COL14A1: variants seen among roughly 807,000 people sequenced by gnomAD.
The protein encoded by COL14A1 is collagen alpha-1(XIV) chain.
A neutral mutation model predicts 230.3 loss-of-function variants in COL14A1; 136 were observed. The ratio of observed to expected loss-of-function variants is 0.59; its 90% CI spans 0.51 to 0.68. The LOEUF is 0.68. COL14A1 is among the 30% of genes least tolerant of loss of function. COL14A1 has a pLI of 0.00. For synonymous variants in COL14A1, 792 were observed against 784.1 expected, an observed-to-expected ratio of 1.01 and a Z score of -0.17; for missense variants, 1,976 against 2,215.8, an observed-to-expected ratio of 0.89 and a Z score of 2.17.
intron 5 of COL14A1, among the ~76,000 whole-genome samples, chr8:120,192,348 T>G (rs1020214849): frequency 8.5e-5 from 13 of 152,322 alleles, no homozygotes; most frequent in South Asian, 6.2e-4. Flanking sequence ...GAAAATTCTT[T>G]TCTTTAAGAA....
At position 120,263,024 on chromosome 8, in the gene COL14A1, G is replaced by A. The variant is rs1260750427; in HGVS notation, c.3016+10G>A. 5 of 1,598,204 alleles carry A rather than the reference G, an allele frequency of 3.1e-6. No individual in the cohort carries two copies. Among genetic ancestry groups the A allele is most frequent in the Non-Finnish European group, 4.3e-6 (5 of 1,173,788 alleles). On this transcript the variant is annotated intron_variant, in intron 24 of 47. Coordinates refer to ENST00000297848, the MANE Select transcript of COL14A1 (RefSeq NM_021110.4). ...ATAATGGAAAAAACACGTAAGTCAT[G>A]TGTGTTCTCTCCTGATCCCTCTCCC...
chr8:120,323,196 G>C (rs898124651), intron 40 of COL14A1, among the ~76,000 whole-genome samples: 1 of 151,780 alleles, frequency 6.6e-6, no homozygotes. Flanking sequence ...TCATATGTTT[G>C]TTGGCTGCGT....
At chr8:120,245,490 G>A (rs544255395) in intron 20 of COL14A1, among the ~76,000 whole-genome samples, 1 of 152,286 alleles carries the variant, frequency 6.6e-6, no homozygotes, top group East Asian at 1.9e-4. Flanking sequence ...AGTCATAGTT[G>A]TCTTCATTAT....
chr8:120,242,577 A>G (rs1022960228), intron 19 of COL14A1, among the ~76,000 whole-genome samples: 3 of 152,172 alleles, frequency 2.0e-5, no homozygotes, highest in African/African-American at 7.2e-5. Flanking sequence ...AAGTCAGGGC[A>G]ACCTCAATTC....
chr8:120,334,395 A>G (rs1821978954), intron 42 of COL14A1, among the ~76,000 whole-genome samples: 1 of 126,928 alleles, frequency 7.9e-6, no homozygotes, highest in Non-Finnish European at 1.7e-5. Flanking sequence ...TCAAAATACA[A>G]AATACTTTTA....
chr8:120,247,294 G>C (rs553593585), intron 20 of COL14A1, among the ~76,000 whole-genome samples: 2 of 152,108 alleles, frequency 1.3e-5, no homozygotes, highest in African/African-American at 4.8e-5. Flanking sequence ...GTGGTGGTAC[G>C]TGCCTGTAGT....
intron 8 of COL14A1, among the ~76,000 whole-genome samples, chr8:120,200,748 T>C (rs1476520085): frequency 1.5e-4 from 11 of 72,926 alleles, no homozygotes; most frequent in African/African-American, 4.9e-4. Flanking sequence ...TATATATATA[T>C]ATATATATAT....
At chr8:120,134,152 T>C (rs920360677) in intron 1 of COL14A1, among the ~76,000 whole-genome samples, 2 of 152,026 alleles carry the variant, frequency 1.3e-5, no homozygotes, top group Admixed American at 6.5e-5. Context: ...GATGGACTAT[T>C]GTATAAAAAA....
intron 37 of COL14A1, among the ~76,000 whole-genome samples, chr8:120,312,053 C>T (rs1253653383): frequency 1.3e-5 from 2 of 152,080 alleles, no homozygotes; most frequent in Non-Finnish European, 2.9e-5. Flanking sequence ...GCAGAGATCA[C>T]ACCACTGCAC....
chr8:120,360,904 G>A (rs930837093), intron 45 of COL14A1, among the ~76,000 whole-genome samples: 14 of 152,102 alleles, frequency 9.2e-5, no homozygotes, highest in Admixed American at 7.9e-4. Context: ...AAAGCATTGA[G>A]GAAGATTGGA....
At position 120,147,695 on chromosome 8, in the gene COL14A1, A is replaced by G. The variant is rs546052470; in HGVS notation, c.-37-111A>G. 1.7e-5 allele frequency: 10 copies of G among 574,934 alleles called. No individual in the cohort carries two copies. In the African/African-American group the frequency reaches 1.9e-4, roughly 11 times the overall value. 35.6% of individuals were successfully genotyped at this position (574,934 alleles called of 1,614,324 possible). On this transcript the variant is annotated intron_variant, in intron 1 of 47. Coordinates refer to ENST00000297848, the MANE Select transcript of COL14A1 (RefSeq NM_021110.4). ...GAAATGCACGATGCTCTAGGGAATT[A>G]ATTACTTCCTGACAATACTAATCCA...
intron 1 of COL14A1, among the ~76,000 whole-genome samples, chr8:120,144,664 G>A (rs538729367): frequency 9.9e-5 from 15 of 152,124 alleles, no homozygotes; most frequent in East Asian, 1.9e-4. Flanking sequence ...GAAAAAACAC[G>A]TCGATTGCAA....
chr8:120,299,239 C>G (rs1286810239), intron 35 of COL14A1, among the ~76,000 whole-genome samples: 2 of 151,990 alleles, frequency 1.3e-5, no homozygotes, highest in Non-Finnish European at 2.9e-5. Flanking sequence ...ATCAAAAAGC[C>G]AAACCATATA....
chr8:120,266,789 G>C (rs1486032989), intron 24 of COL14A1, 38 bp from the exon 25 acceptor site: 1 of 1,557,968 alleles, frequency 6.4e-7, no homozygotes, highest in Admixed American at 1.7e-5. Context: ...CCACAGATGA[G>C]ATGGTGAACT....
Position 120,193,909 on chromosome 8 carries a change from A to C in COL14A1, c.437-2882A>C, listed in dbSNP as rs576542714. 3.3e-5 allele frequency among the ~76,000 whole-genome samples: 5 copies of C among 152,290 alleles called. No individual in the cohort carries two copies. In the East Asian group the frequency reaches 5.8e-4, roughly 18 times the overall value. ...TTTTTTAAGCCCCTCGGAAAAGCGC[A>C]GTATTAGGGTGGGAGTGACCCGGTT... On this transcript the variant is annotated intron_variant, in intron 5 of 47. Coordinates refer to ENST00000297848, the MANE Select transcript of COL14A1 (RefSeq NM_021110.4).
chr8:120,334,655 G>A (rs1278035394), intron 42 of COL14A1, among the ~76,000 whole-genome samples: 15 of 149,376 alleles, frequency 1.0e-4, no homozygotes, highest in Non-Finnish European at 1.2e-4. Context: ...TTATCTATTC[G>A]TTTGATTCTA....
intron 34 of COL14A1, among the ~76,000 whole-genome samples, chr8:120,292,023 T>C (rs533086514): frequency 2.7e-4 from 41 of 152,272 alleles, no homozygotes; most frequent in African/African-American, 9.1e-4. Flanking sequence ...ATTATATCTT[T>C]TCTTAAAATT....
chr8:120,335,003 T>C (rs1024057858), intron 42 of COL14A1, among the ~76,000 whole-genome samples: 2 of 152,220 alleles, frequency 1.3e-5, no homozygotes, highest in Non-Finnish European at 2.9e-5. Flanking sequence ...GTTCTTATTC[T>C]TACTAGCATC....
chr8:120,223,914 C>T (rs1282889749), intron 14 of COL14A1, among the ~76,000 whole-genome samples: 1 of 151,978 alleles, frequency 6.6e-6, no homozygotes, highest in African/African-American at 2.4e-5. Context: ...CTACAATATG[C>T]ACCCTGTACT....
Sources: gnomAD v4.1 joint callset for allele counts (sites outside exome capture counted in the v4.1 genomes callset) on GRCh38, gnomAD v4.1.1 for gene constraint, MANE v1.5 for transcripts, NCBI Gene and HGNC (gene_info 2026-07-23, HGNC 2026-07-21) for gene names.